Variants in CNTN6 observed in about 807,000 individuals in gnomAD.
The protein encoded by CNTN6 is contactin 6.
In CNTN6, 137 loss-of-function variants were observed where a neutral mutation model predicts 122.8. That is an observed-to-expected ratio of 1.12 (90% CI 0.97 to 1.29). The LOEUF is 1.29. Among genes scored for constraint, CNTN6 ranks in the 50% most tolerant of loss-of-function variants. CNTN6 has a pLI of 0.00. For missense variants in CNTN6, 1,634 were observed against 1,223.4 expected (o/e 1.34, Z -5.01); for synonymous variants, 570 against 426.0 (o/e 1.34, Z -4.16).
intron 5 of CNTN6, among the ~76,000 whole-genome samples, chr3:1,286,971 A>G (rs1156477241): frequency 2.0e-5 from 3 of 152,216 alleles, no homozygotes; most frequent in Non-Finnish European, 4.4e-5. Context: ...AAAGAGACAA[A>G]GAAGGTCATT....
chr3:1,204,513 T>C (rs1203903713), intron 2 of CNTN6, among the ~76,000 whole-genome samples: 1 of 152,150 alleles, frequency 6.6e-6, no homozygotes, highest in African/African-American at 2.4e-5. Flanking sequence ...CTGAAATACA[T>C]ACATACAAAC....
At chr3:1,201,180 C>G (rs1477645421) in intron 2 of CNTN6, among the ~76,000 whole-genome samples, 1 of 150,282 alleles carries the variant, frequency 6.7e-6, no homozygotes, top group African/African-American at 2.5e-5. Flanking sequence ...ACTATGCTGC[C>G]CAGGCTGGTC....
intron 7 of CNTN6, among the ~76,000 whole-genome samples, chr3:1,305,004 A>AAAAC (rs1698121380): frequency 2.0e-5 from 3 of 150,944 alleles, no homozygotes; most frequent in Admixed American, 6.6e-5. Flanking sequence ...AAAAAAAAAA[A>AAAAC]CAAAATTCAA....
intron 20 of CNTN6, among the ~76,000 whole-genome samples, chr3:1,397,063 T>G (rs1212303295): frequency 2.0e-5 from 3 of 152,208 alleles, no homozygotes; most frequent in Admixed American, 6.5e-5. Flanking sequence ...TTTGTTTGTT[T>G]GTTTTCTCAC....
chr3:1,298,757 G>C (rs992577098), intron 7 of CNTN6, among the ~76,000 whole-genome samples: 9 of 152,082 alleles, frequency 5.9e-5, no homozygotes, highest in Middle Eastern at 3.2e-3. Context: ...TGACTCTAGA[G>C]GTCTAGGGTG....
intron 2 of CNTN6, among the ~76,000 whole-genome samples, chr3:1,190,992 TGAAAG>T (rs1299543089): frequency 6.6e-5 from 10 of 152,216 alleles, no homozygotes; most frequent in African/African-American, 2.4e-4. Flanking sequence ...CAGAGCATGT[TGAAAG>T]TATTGACATG....
intron 2 of CNTN6, among the ~76,000 whole-genome samples, chr3:1,189,543 T>C (rs537622745): frequency 6.6e-6 from 1 of 152,336 alleles, no homozygotes; most frequent in African/African-American, 2.4e-5. Flanking sequence ...ACATCCTGAA[T>C]AGACTTAGTA....
chr3:1,373,516 GC>G, intron 14 of CNTN6, 87 bp from the exon 15 acceptor site: 1 of 1,280,278 alleles, frequency 7.8e-7, no homozygotes, highest in Non-Finnish European at 1.1e-6. Context: ...TACTTCCTAA[GC>G]ACAACAGGTA....
intron 11 of CNTN6, among the ~76,000 whole-genome samples, chr3:1,332,423 C>T (rs1049783408): frequency 2.3e-4 from 35 of 150,350 alleles, no homozygotes; most frequent in African/African-American, 8.3e-4. Context: ...ATAGTCTTAT[C>T]GTGGGACTTC....
At chr3:1,368,397 A>G (rs538581293) in intron 12 of CNTN6, among the ~76,000 whole-genome samples, 62 of 152,360 alleles carry the variant, frequency 4.1e-4, no homozygotes, top group African/African-American at 1.4e-3. Context: ...GAAGAGAATC[A>G]TCAGCTCTAG....
chr3:1,155,794 T>TC (rs77942903), intron 2 of CNTN6, among the ~76,000 whole-genome samples: 2 of 151,978 alleles, frequency 1.3e-5, no homozygotes, highest in Non-Finnish European at 2.9e-5. Context: ...CCATTGCCTC[T>TC]CCCCCCAAGA....
At position 1,135,537 on chromosome 3, in the gene CNTN6, G is replaced by A. The variant is rs182366217; in HGVS notation, c.-82-12390G>A. On this transcript the variant is annotated intron_variant, in intron 1 of 22. Transcript: ENST00000446702. ...GAAGAAAGTGCATTCTTTCTCAGGA[G>A]AGAGCTCAGAACTGCAGGGTTTTAC... Among the ~76,000 whole-genome samples the A allele has an allele frequency of 5.0e-4, 76 of 152,264 alleles. 1 individual carries two copies. Among genetic ancestry groups the A allele is most frequent in the Non-Finnish European group, 9.1e-4 (62 of 68,022 alleles).
At chr3:1,136,538 C>T (rs1387896156) in intron 1 of CNTN6, among the ~76,000 whole-genome samples, 2 of 152,118 alleles carry the variant, frequency 1.3e-5, no homozygotes, top group Admixed American at 6.5e-5. Context: ...CTTATTTAGC[C>T]TTGCATTTTG....
intron 5 of CNTN6, among the ~76,000 whole-genome samples, chr3:1,280,912 C>T (rs546163440): frequency 9.2e-5 from 14 of 152,232 alleles, no homozygotes; most frequent in African/African-American, 3.4e-4. Flanking sequence ...TGCTGAATTT[C>T]TTGCCATGAG....
intron 2 of CNTN6, among the ~76,000 whole-genome samples, chr3:1,162,099 A>G (rs981485736): frequency 5.3e-5 from 8 of 152,160 alleles, no homozygotes; most frequent in Admixed American, 3.9e-4. Flanking sequence ...GCAGCTAACA[A>G]CAGGTGCTGT....
chr3:1,093,633 G>A (rs897198793), intron 1 of CNTN6, among the ~76,000 whole-genome samples: 4 of 152,056 alleles, frequency 2.6e-5, no homozygotes, highest in Non-Finnish European at 5.9e-5. Context: ...TTGGTAAGGG[G>A]AGCAAAGCAA....
Position 1,385,649 on chromosome 3 carries a change from A to C in CNTN6, c.2556A>C (p.Ile852=), listed in dbSNP as rs763503825. Residue 852 remains isoleucine, a synonymous_variant, in exon 20 of 23, where the codon ATA becomes ATC. Coordinates refer to ENST00000446702, the MANE Select transcript of CNTN6 (RefSeq NM_001289080.2). ...YWTDDSKESM[I]GKIRVSGNVT... ...CAGATGACTCCAAAGAATCCATGAT[A>C]GGTAAAATTAGAGTCAGTGGAAATG... 5.0e-6 allele frequency: 8 copies of C among 1,614,046 alleles called. No individual in the cohort carries two copies. The Middle Eastern group carries it at 6.6e-4, about 133-fold the overall frequency.
chr3:1,301,953 A>G (rs1697501762), intron 7 of CNTN6, among the ~76,000 whole-genome samples: 2 of 152,232 alleles, frequency 1.3e-5, no homozygotes, highest in African/African-American at 4.8e-5. Context: ...AAACATACTG[A>G]AAATGCCTTT....
intron 3 of CNTN6, among the ~76,000 whole-genome samples, chr3:1,223,103 A>G (rs2094230763): frequency 6.6e-6 from 1 of 152,180 alleles, no homozygotes; most frequent in African/African-American, 2.4e-5. Context: ...CCTCACAACT[A>G]TATTCACCTT....
Sources: gnomAD v4.1 joint callset for allele counts (sites outside exome capture counted in the v4.1 genomes callset) on GRCh38, gnomAD v4.1.1 for gene constraint, MANE v1.5 for transcripts, NCBI Gene and HGNC (gene_info 2026-07-23, HGNC 2026-07-21) for gene names.